The following MATR3 variants were observed in gnomAD, a reference collection of about 807,000 sequenced individuals.
The protein encoded by MATR3 is matrin 3.
A neutral mutation model predicts 85.5 loss-of-function variants in MATR3; 4 were observed. The ratio of observed to expected loss-of-function variants is 0.05; its 90% CI spans 0.02 to 0.11. MATR3 has a LOEUF of 0.11. Among genes scored for constraint, MATR3 ranks in the 10% least tolerant of loss-of-function variants. The pLI, the probability that MATR3 is intolerant of heterozygous loss-of-function variation, is 1.00. For synonymous variants in MATR3, 336 were observed against 343.1 expected, an observed-to-expected ratio of 0.98 and a Z score of 0.23; for missense variants, 685 against 1,016.1, an observed-to-expected ratio of 0.67 and a Z score of 4.43.
At chr5:139,277,752 T>C (rs1753341801) in intron 2 of MATR3, among the ~76,000 whole-genome samples, 1 of 142,142 alleles carries the variant, frequency 7.0e-6, no homozygotes, top group African/African-American at 2.7e-5. Context: ...ATATATCATG[T>C]CTGCTCGTCT....
intron 7 of MATR3, among the ~76,000 whole-genome samples, chr5:139,318,611 T>G (rs1755378645): frequency 6.6e-6 from 1 of 152,136 alleles, no homozygotes; most frequent in African/African-American, 2.4e-5. Context: ...CCCAGCTAAT[T>G]TTTGTATTTT....
intron 14 of MATR3, among the ~76,000 whole-genome samples, chr5:139,328,937 G>A (rs968480772): frequency 6.6e-6 from 1 of 151,902 alleles, no homozygotes; most frequent in Non-Finnish European, 1.5e-5. Flanking sequence ...CCTGGGAGGT[G>A]GAGGTTGCAG....
intron 9 of MATR3, 62 bp downstream of exon 9, chr5:139,319,563 A>G (rs1299094049): frequency 2.0e-6 from 3 of 1,467,950 alleles, no homozygotes; most frequent in Non-Finnish European, 2.8e-6. Context: ...ATTTTTCAAT[A>G]TGGAGCTGGG....
At chr5:139,308,868 C>T (rs999503580) in intron 2 of MATR3, among the ~76,000 whole-genome samples, 2 of 152,062 alleles carry the variant, frequency 1.3e-5, no homozygotes, top group African/African-American at 2.4e-5. Flanking sequence ...TTTTTAATTT[C>T]CCTTTAACAC....
intron 1 of MATR3, among the ~76,000 whole-genome samples, chr5:139,300,215 A>G (rs1754368292): frequency 6.6e-6 from 1 of 152,010 alleles, no homozygotes; most frequent in Admixed American, 6.5e-5. Context: ...AATACAGAAA[A>G]TTTGCCAGGT....
chr5:139,326,589 T>C (rs181729269), intron 14 of MATR3, among the ~76,000 whole-genome samples: 181 of 152,032 alleles, frequency 1.2e-3, no homozygotes, highest in South Asian at 4.4e-3. Context: ...CCCAGCTAAT[T>C]TTTGTATTTT....
intron 1 of MATR3, among the ~76,000 whole-genome samples, chr5:139,296,649 C>T (rs1754170807): frequency 6.6e-6 from 1 of 152,158 alleles, no homozygotes; most frequent in African/African-American, 2.4e-5. Flanking sequence ...GCTTGTGTAA[C>T]ATTTTGGATA....
rs1317134829 is a variant in MATR3 at position 139,330,750 on chromosome 5, A to G, written c.*1355A>G. ...CAAGAATTAGTTCTGCAGCTTTTCAAAATAATTACGTAGAGACTCTTGGTA... is the reference window on the plus strand; with the variant it reads ...CAAGAATTAGTTCTGCAGCTTTTCAGAATAATTACGTAGAGACTCTTGGTA... On this transcript the variant is annotated 3_prime_UTR_variant, in exon 15 of 15. Coordinates refer to ENST00000394805, the MANE Select transcript of MATR3 (RefSeq NM_018834.6). 1 of 454,126 alleles carries G rather than the reference A, an allele frequency of 2.2e-6. No individual in the cohort carries two copies. Among genetic ancestry groups the G allele is most frequent in the Admixed American group, 2.3e-5 (1 of 42,572 alleles). 28.1% of individuals were successfully genotyped at this position (454,126 alleles called of 1,614,324 possible).
Position 139,276,688 on chromosome 5 carries a change from G to A in MATR3, c.-257+538G>A, listed in dbSNP as rs76219323. Among the ~76,000 whole-genome samples the A allele has an allele frequency of 8.0e-3, 1,221 of 152,176 alleles. 16 individuals are homozygous for A. Among genetic ancestry groups the A allele is most frequent in the African/African-American group, 0.028 (1,147 of 41,504 alleles). ...AAGAGGGGGTTGGTAAAAATAGACGGAAAAGTCACACCTTTATTTTTAGTG... is the reference window on the plus strand; with the variant it reads ...AAGAGGGGGTTGGTAAAAATAGACGAAAAAGTCACACCTTTATTTTTAGTG... On this transcript the variant is annotated intron_variant, in intron 2 of 16. Transcript: ENST00000509990.
At chr5:139,295,696 C>G (rs910002314) in intron 1 of MATR3, among the ~76,000 whole-genome samples, 4 of 152,094 alleles carry the variant, frequency 2.6e-5, no homozygotes, top group Admixed American at 1.3e-4. Context: ...ACGGTGGTGT[C>G]GTATTTTAGG....
At chr5:139,274,278 C>G in intron 1 of MATR3, 1 of 354,828 alleles carries the variant, frequency 2.8e-6, no homozygotes, top group Non-Finnish European at 5.5e-6. Context: ...CCCTCGTGAT[C>G]CCGAGCTTGG....
At chr5:139,285,755 A>G in intron 3 of MATR3, among the ~76,000 whole-genome samples, 1 of 152,204 alleles carries the variant, frequency 6.6e-6, no homozygotes, top group Non-Finnish European at 1.5e-5. Flanking sequence ...AAAAAGAACC[A>G]AATTCTGGAG....
intron 11 of MATR3, 40 bp from the exon 12 acceptor site, chr5:139,322,558 C>T (rs766351409): frequency 6.3e-7 from 1 of 1,584,032 alleles, no homozygotes; most frequent in South Asian, 1.1e-5. Context: ...TTTACTTTTT[C>T]AGACAACAAA....
intron 9 of MATR3, among the ~76,000 whole-genome samples, chr5:139,320,082 G>A (rs1755475831): frequency 6.6e-6 from 1 of 151,416 alleles, no homozygotes; most frequent in African/African-American, 2.4e-5. Context: ...GCGGAGGCAG[G>A]CAGATCACGA....
upstream of MATR3, among the ~76,000 whole-genome samples, chr5:139,290,692 C>T (rs552919617): frequency 2.0e-5 from 3 of 151,994 alleles, no homozygotes; most frequent in South Asian, 6.2e-4. Flanking sequence ...CTCAAGCGAT[C>T]GGCCCACTTT....
chr5:139,278,507 C>A (rs1025727692), intron 2 of MATR3: 1 of 389,534 alleles, frequency 2.6e-6, no homozygotes, highest in Admixed American at 2.9e-5. Context: ...GTAAATTAAC[C>A]TGTATTTGTA....
In MATR3 at chr5:139,322,869, T is replaced by A. The variant is rs1755648400; in HGVS notation, c.2050T>A (p.Leu684Ile). Residue 684 changes from leucine (L) to isoleucine (I), a missense_variant, in exon 12 of 15, where the codon TTA (leucine) becomes ATA (isoleucine). By Grantham distance (5) the Leu-to-Ile change is conservative. This residue lies in a region of MATR3 where 215 missense variants were observed against 194.7 expected (regional missense o/e 1.10). Coordinates refer to ENST00000394805, the MANE Select transcript of MATR3 (RefSeq NM_018834.6). Reference sequence around the variant, plus strand: ...GGGAGACGAGACCGATCTTGCTAATTTAGGTGATGTGGCTTCTGATGGGAA... The same window carrying A: ...GGGAGACGAGACCGATCTTGCTAATATAGGTGATGTGGCTTCTGATGGGAA... ...SVGDETDLAN[L>I]GDVASDGKKE... is the part of the protein sequence containing the mutation. The A allele has an allele frequency of 6.2e-7, 1 of 1,614,118 alleles. No homozygotes were observed.
chr5:139,318,864 G>A (rs770004558), intron 7 of MATR3, 44 bp from the exon 8 acceptor site: 2 of 1,607,414 alleles, frequency 1.2e-6, no homozygotes, highest in Non-Finnish European at 1.7e-6. Context: ...ATGTGAGAAA[G>A]CTGATTGGAA....
intron 1 of MATR3, among the ~76,000 whole-genome samples, chr5:139,302,870 C>G (rs1017661432): frequency 2.0e-5 from 3 of 152,142 alleles, no homozygotes; most frequent in African/African-American, 7.2e-5. Flanking sequence ...GCATTTCTTG[C>G]AATTCAGAAG....
Sources: gnomAD v4.1 joint callset for allele counts (sites outside exome capture counted in the v4.1 genomes callset) on GRCh38, gnomAD v4.1.1 for gene constraint, gnomAD v4.1.1 regional missense constraint, MANE v1.5 for transcripts, NCBI Gene and HGNC (gene_info 2026-07-23, HGNC 2026-07-21) for gene names.